The following CPXM1 variants were observed in gnomAD, a reference collection of about 807,000 sequenced individuals.
CPXM1 encodes the protein carboxypeptidase X, M14 family member 1, also known as probable carboxypeptidase X1.
A neutral mutation model predicts 80.4 loss-of-function variants in CPXM1; 72 were observed. That is an observed-to-expected ratio of 0.90 (90% CI 0.74 to 1.09). The LOEUF (loss-of-function observed/expected upper bound fraction) is 1.09, where lower values mean the gene tolerates loss of function less well. Ranked by LOEUF, CPXM1 falls within the 50% of genes least tolerant of loss-of-function variation. The pLI, the probability that CPXM1 is intolerant of heterozygous loss-of-function variation, is 0.00. For synonymous variants in CPXM1, 403 were observed against 405.6 expected, an observed-to-expected ratio of 0.99 and a Z score of 0.08; for missense variants, 892 against 999.4, an observed-to-expected ratio of 0.89 and a Z score of 1.45.
In CPXM1 at chr20:2,795,325, G is replaced by C; in HGVS notation, c.1812C>G (p.Pro604=). Residue 604 remains proline (P), a synonymous_variant, in exon 12 of 14, where the codon CCC becomes CCG. Transcript: ENST00000380605. This position sits in a 1 kb window ranked among gnomAD's most constrained non-coding sequence, Gnocchi z 5.4. ...CDKFPHENEL[P]QEWENNKDAL... ...CGTCTTTGTTGTTCTCCCACTCCTG[G>C]GGCAATTCATTCTCGTGAGGGAACT... 1.2e-6 allele frequency: 2 copies of C among 1,614,058 alleles called. No individual in the cohort carries two copies.
chr20:2,800,374 G>C lies in CPXM1; in HGVS notation c.172+27C>G, dbSNP rs372246105. On this transcript the variant is annotated intron_variant, in intron 1 of 13. Transcript: ENST00000380605. ...AGAGCCGGGCAGTCGGCTTGCGGGG[G>C]AGCGGACCGTCGGTCGGGGAACTCA... is the stretch of plus-strand genomic sequence containing the variant. 1.7e-3 allele frequency: 2,599 copies of C among 1,490,372 alleles called. 3 individuals carry two copies. The highest frequency in any genetic ancestry group is 2.2e-3 in the Non-Finnish European group (2,436 of 1,129,118). 92.3% of individuals were successfully genotyped at this position (1,490,372 alleles called of 1,614,324 possible). A position where few individuals can be genotyped will look rare whatever the true frequency, so the allele number is the denominator to read the frequency against.
At chr20:2,800,208 CGCGTGTGTGAATGTGTGT>C (rs2088554966) in intron 1 of CPXM1, among the ~76,000 whole-genome samples, 175 bp downstream of exon 1, 1 of 149,498 alleles carries the variant, frequency 6.7e-6, no homozygotes, top group African/African-American at 2.5e-5. Context: ...TGCAAGTGTG[CGCGTGTGTGAATGTGTGT>C]GAGTGCGCGC....
Position 2,800,501 on chromosome 20 carries a change from G to A in CPXM1, c.72C>T (p.Asn24=). The A allele has an allele frequency of 7.2e-7, 1 of 1,383,540 alleles. No homozygotes were observed. The highest frequency in any genetic ancestry group is 1.6e-5 in the South Asian group (1 of 62,096). 85.7% of individuals were successfully genotyped at this position (1,383,540 alleles called of 1,614,324 possible). ...AVGPALGAPR[N]SVLGLAQPGT... ...CGGGCTGCGCGAGGCCCAGCACCGA[G>A]TTCCTGGGCGCCCCCAGAGCCGGGC... Residue 24 remains asparagine, a synonymous_variant, in exon 1 of 14, where the codon AAC becomes AAT. Transcript: ENST00000380605.
rs1357452126 is a variant in CPXM1, at chr20:2,796,144, G to A, written c.1260C>T (p.Gly420=). 5.6e-6 allele frequency: 9 copies of A among 1,611,392 alleles called. No homozygotes were observed. The highest frequency in any genetic ancestry group is 7.6e-6 in the Non-Finnish European group (9 of 1,178,618). The change falls in exon 10 of 14, where the codon GGC becomes GGT. Residue 420 remains glycine, a synonymous_variant. Transcript: ENST00000380605. This position sits in a 1 kb window ranked among gnomAD's most constrained non-coding sequence, Gnocchi z 6.8. ...GGTTGTTCCAGCGGCCCTCGGCCCA[G>A]CCCACCAGCTCTGAACCCTGCCGGG... ...IAYHRGSELV[G]WAEGRWNNQS...
chr20:2,800,013 C>T (rs2088551023), intron 1 of CPXM1, among the ~76,000 whole-genome samples: 1 of 152,226 alleles, frequency 6.6e-6, no homozygotes, highest in Non-Finnish European at 1.5e-5. Context: ...CTGACTAGGT[C>T]TGGCAGGGAA....
chr20:2,800,447 C>T lies in CPXM1; in HGVS notation c.126G>A (p.Pro42=), dbSNP rs1358062723. The change falls in exon 1 of 14, where the codon CCG becomes CCA. Residue 42 remains proline, a synonymous_variant. Coordinates refer to ENST00000380605, the MANE Select transcript of CPXM1 (RefSeq NM_019609.5). ...PGTTKVPGST[P]ALHSSPAQPP... ...GCTGTGCCGGGCTGCTATGCAGGGC[C>T]GGGGTCGAGCCTGGGACCTTGGTGG... The T allele has an allele frequency of 2.7e-6, 4 of 1,506,670 alleles. No individual in the cohort carries two copies. The highest frequency in any genetic ancestry group is 1.4e-5 in the African/African-American group (1 of 69,702). 93.3% of individuals were successfully genotyped at this position (1,506,670 alleles called of 1,614,324 possible). A position where few individuals can be genotyped will look rare whatever the true frequency, so the allele number is the denominator to read the frequency against.
Position 2,795,859 on chromosome 20 carries a change from T to C in CPXM1, c.1460A>G (p.Lys487Arg). The C allele has an allele frequency of 6.2e-7, 1 of 1,612,194 alleles. No homozygotes were observed. Residue 487 changes from lysine to arginine, a missense_variant, in exon 11 of 14, where the codon AAG (lysine) becomes AGG (arginine). This residue lies in a region of CPXM1 where 874 missense variants were observed against 958.4 expected (regional missense o/e 0.91). Coordinates refer to ENST00000380605, the MANE Select transcript of CPXM1 (RefSeq NM_019609.5). This position sits in a 1 kb window ranked among gnomAD's most constrained non-coding sequence, Gnocchi z 5.4. The part of the protein sequence containing the change: ...PETRAVIKWM[K>R]RIPFVLSANL... The stretch of plus-strand genomic sequence containing the variant: ...GGCACTTAGCACAAAGGGGATCCGC[T>C]TCATCCACTTGATTACTGCCCGCGT...
In CPXM1 at chr20:2,796,277, G is replaced by T. The variant is rs2088507186; in HGVS notation, c.1212C>A (p.Asn404Lys). The T allele has an allele frequency of 1.2e-6, 2 of 1,613,834 alleles. No homozygotes were observed. The highest frequency in any genetic ancestry group is 1.6e-4 in the Middle Eastern group (1 of 6,062). Residue 404 changes from asparagine (N) to lysine (K), a missense_variant, in exon 9 of 14, where the codon AAC (asparagine) becomes AAA (lysine). By Grantham distance (94) the Asn-to-Lys change is moderately conservative. Coordinates refer to ENST00000380605, the MANE Select transcript of CPXM1 (RefSeq NM_019609.5). This position sits in a 1 kb window ranked among gnomAD's most constrained non-coding sequence, Gnocchi z 6.8. ...GGTAGGCGATCTCATAGCCATCAGG[G>T]TTCATGGAGGGCAGCAGGTGAATGC... The part of the protein sequence containing the change: ...EMRIHLLPSM[N>K]PDGYEIAYHR...
At position 2,796,184 on chromosome 20, in the gene CPXM1, A is replaced by G. The variant is rs748650785; in HGVS notation, c.1243-23T>C. The stretch of plus-strand genomic sequence containing the variant: ...ACCCTGCCGGGCAAGAGGCTTGTTC[A>G]AGTCGAGCAGGTCCAGCCACCAGGG... On this transcript the variant is annotated intron_variant, in intron 9 of 13. Transcript: ENST00000380605. The surrounding 1 kb of genome is among the most constrained non-coding windows in gnomAD (Gnocchi z 6.8). 2 of 1,607,880 alleles carry G rather than the reference A, an allele frequency of 1.2e-6. No individual in the cohort carries two copies. The highest frequency in any genetic ancestry group is 4.5e-5 in the East Asian group (2 of 44,834).
rs747046219 is a variant in CPXM1 at position 2,794,505 on chromosome 20, G to A, written c.1963+32C>T. 2 of 1,613,748 alleles carry A rather than the reference G, an allele frequency of 1.2e-6. No homozygotes were observed. Among genetic ancestry groups the A allele is most frequent in the South Asian group, 2.2e-5 (2 of 91,062 alleles). ...TTCTTCCCGAGCCTCCAGCCCTCCA[G>A]CCCCTTCCCTTGCCCTCCCGGTCAA... On this transcript the variant is annotated intron_variant, in intron 13 of 13. Transcript: ENST00000380605. The surrounding 1 kb of genome is among the most constrained non-coding windows in gnomAD (Gnocchi z 5.2).
rs935723969 is a variant in CPXM1, at chr20:2,794,321, C to T, written c.2074G>A (p.Gly692Ser). ...TRNCRVTFEE[G>S]PFPCNFVLTK... is the part of the protein sequence containing the mutation. ...AGCACGAAATTGCAGGGGAAGGGGC[C>T]CTCTTCAAAGGTGACCCGACAGTTC... is the stretch of plus-strand genomic sequence containing the variant. Residue 692 changes from glycine (G) to serine (S), a missense_variant, in exon 14 of 14, where the codon GGC (glycine) becomes AGC (serine). By Grantham distance (56) the Gly-to-Ser change is moderately conservative (BLOSUM62 0). Around this residue, in one of 2 missense-constraint regions of CPXM1, gnomAD observed 874 missense variants for 958.4 expected, o/e 0.91. Coordinates refer to ENST00000380605, the MANE Select transcript of CPXM1 (RefSeq NM_019609.5). The surrounding 1 kb of genome is among the most constrained non-coding windows in gnomAD (Gnocchi z 5.2). The T allele has an allele frequency of 3.7e-6, 6 of 1,614,154 alleles. No individual in the cohort carries two copies. Among genetic ancestry groups the T allele is most frequent in the Non-Finnish European group, 5.1e-6 (6 of 1,180,036 alleles).
In CPXM1 at chr20:2,800,407, C is replaced by T. The variant is rs750641203; in HGVS notation, c.166G>A (p.Ala56Thr). 2 of 1,530,968 alleles carry T rather than the reference C, an allele frequency of 1.3e-6. No homozygotes were observed. Among genetic ancestry groups the T allele is most frequent in the South Asian group, 2.4e-5 (2 of 82,028 alleles). 94.8% of individuals were successfully genotyped at this position (1,530,968 alleles called of 1,614,324 possible). A position where few individuals can be genotyped will look rare whatever the true frequency, so the allele number is the denominator to read the frequency against. ...CGTCGGTCGGGGAACTCACCGTTAG[C>T]TGTCTCCGCCGGCGGCTGTGCCGGG... Reference protein sequence around the residue: ...SSPAQPPAETANGTSEQHVRI... With the variant: ...SSPAQPPAETTNGTSEQHVRI... The change falls in exon 1 of 14, where the codon GCT becomes ACT. Residue 56 changes from alanine to threonine, a missense_variant. By Grantham distance (58) the Ala-to-Thr change is moderately conservative (BLOSUM62 0). Transcript: ENST00000380605.
In CPXM1 at chr20:2,798,751, G is replaced by A. The variant is rs375096913; in HGVS notation, c.315C>T (p.Leu105=). ...PLVTPTPAGT[L]DPAEKQETGC... ...CTGTTTCTTGTTTCTCAGCGGGGTC[G>A]AGGGTCCCTGCTGGAGTGGGGGTCA... is the stretch of plus-strand genomic sequence containing the variant. Residue 105 remains leucine, a synonymous_variant, in exon 2 of 14, where the codon CTC becomes CTT. Coordinates refer to ENST00000380605, the MANE Select transcript of CPXM1 (RefSeq NM_019609.5). 1.9e-5 allele frequency: 30 copies of A among 1,613,050 alleles called. No homozygotes were observed. The highest frequency in any genetic ancestry group is 4.0e-5 in the African/African-American group (3 of 74,886).
At position 2,794,364 on chromosome 20, in the gene CPXM1, G is replaced by T; in HGVS notation, c.2031C>A (p.Gly677=). 6 of 1,614,124 alleles carry T rather than the reference G, an allele frequency of 3.7e-6. No homozygotes were observed. The highest frequency in any genetic ancestry group is 5.1e-6 in the Non-Finnish European group (6 of 1,180,020). Residue 677 remains glycine (G), a synonymous_variant, in exon 14 of 14, where the codon GGC becomes GGA. Coordinates refer to ENST00000380605, the MANE Select transcript of CPXM1 (RefSeq NM_019609.5). This position sits in a 1 kb window ranked among gnomAD's most constrained non-coding sequence, Gnocchi z 5.2. ...GDYMVTASAE[G]YHSVTRNCRV... ...GACAGTTCCGTGTCACTGAATGGTA[G>T]CCCTCGGCACTGGCAGTCACCATGT...
chr20:2,794,408 G>A lies in CPXM1; in HGVS notation c.1987C>T (p.Leu663=), dbSNP rs2088483109. Residue 663 remains leucine, a synonymous_variant, in exon 14 of 14, where the codon CTG becomes TTG. Transcript: ENST00000380605. The surrounding 1 kb of genome is among the most constrained non-coding windows in gnomAD (Gnocchi z 5.2). ...TTAWGGDYWR[L]LTPGDYMVTA... ...ACCATGTAGTCCCCTGGGGTCAGCA[G>A]ACGCCAATAATCCCCGCCCCACGCT... 1.2e-6 allele frequency: 2 copies of A among 1,614,150 alleles called. No individual in the cohort carries two copies. Among genetic ancestry groups the A allele is most frequent in the South Asian group, 1.1e-5 (1 of 91,082 alleles).
intron 1 of CPXM1, 150 bp downstream of exon 1, chr20:2,800,251 G>A (rs912594650): frequency 2.9e-6 from 2 of 698,368 alleles, no homozygotes; most frequent in Non-Finnish European, 4.3e-6. Flanking sequence ...GTGTGCGCGT[G>A]AGTGCGAGTG....
At position 2,796,330 on chromosome 20, in the gene CPXM1, G is replaced by A. The variant is rs976579617; in HGVS notation, c.1159C>T (p.Arg387Trp). 9.3e-6 allele frequency: 15 copies of A among 1,613,890 alleles called. No homozygotes were observed. Among genetic ancestry groups the A allele is most frequent in the Admixed American group, 8.3e-5 (5 of 60,000 alleles). ...ATCTCAGAGAGCAGCCGGGTCACCC[G>A]TGGGTTCCCTCGCAGGAACTCATGG... is the stretch of plus-strand genomic sequence containing the variant. ...LCHEFLRGNP[R>W]VTRLLSEMRI... The change falls in exon 9 of 14, where the codon CGG becomes TGG. Residue 387 changes from arginine (R) to tryptophan (W), a missense_variant. Arg to Trp is a moderately radical substitution (Grantham distance 101). This residue lies in a region of CPXM1 where 874 missense variants were observed against 958.4 expected (regional missense o/e 0.91). Transcript: ENST00000380605. This position sits in a 1 kb window ranked among gnomAD's most constrained non-coding sequence, Gnocchi z 6.8.
rs1364572005 is a variant in CPXM1 at position 2,798,141 on chromosome 20, G to T, written c.590+11C>A. 6.2e-7 allele frequency: 1 copy of T among 1,613,854 alleles called. No individual in the cohort carries two copies. The highest frequency in any genetic ancestry group is 1.7e-5 in the Admixed American group (1 of 60,006). ...TCTGTGACCTCCTGACCTAGGGTTA[G>T]TCTGCCTCACCTCCAGACAGAGTTC... On this transcript the variant is annotated intron_variant, in intron 4 of 13. Transcript: ENST00000380605.
Position 2,796,028 on chromosome 20 carries a change from TTGGGGACGATG to T in CPXM1, c.1365_1375del (p.His455GlnfsTer20). On this transcript the variant is annotated frameshift_variant, in exon 10 of 14. Coordinates refer to ENST00000380605, the MANE Select transcript of CPXM1 (RefSeq NM_019609.5). LOFTEE classifies it high-confidence loss of function. The surrounding 1 kb of genome is among the most constrained non-coding windows in gnomAD (Gnocchi z 6.8). ...GTAAGTGGGCAATGGCAGGTGATGG[TTGGGGACGATG>T]TGGGGCACCTTCCCATCGTCCTGTG... The T allele has an allele frequency of 3.7e-6, 6 of 1,613,148 alleles. No individual in the cohort carries two copies. The highest frequency in any genetic ancestry group is 5.1e-6 in the Non-Finnish European group (6 of 1,179,572).
Sources: gnomAD v4.1 joint callset for allele counts (sites outside exome capture counted in the v4.1 genomes callset) on GRCh38, gnomAD v4.1.1 for gene constraint, gnomAD v4.1.1 regional missense constraint, Gnocchi (gnomAD v3.1) non-coding constraint, MANE v1.5 for transcripts, NCBI Gene and HGNC (gene_info 2026-07-23, HGNC 2026-07-21) for gene names.